Variants in FOXP1 observed in about 807,000 individuals in gnomAD.
The protein encoded by FOXP1 is forkhead box protein P1.
Under a neutral mutation model 98.2 loss-of-function variants are expected in FOXP1, and 15 were observed. The observed-to-expected ratio is 0.15, with a 90% CI of 0.10 to 0.24. FOXP1 has a LOEUF of 0.24. Among genes scored for constraint, FOXP1 ranks in the 10% least tolerant of loss-of-function variants. The pLI is 1.00. For missense variants in FOXP1, 633 were observed against 848.5 expected, an observed-to-expected ratio of 0.75 and a Z score of 3.15; for synonymous variants, 371 against 314.5, an observed-to-expected ratio of 1.18 and a Z score of -1.90.
chr3:71,137,877 C>T (rs1395622731), intron 6 of FOXP1, among the ~76,000 whole-genome samples: 1 of 151,822 alleles, frequency 6.6e-6, no homozygotes, highest in Admixed American at 6.6e-5. Flanking sequence ...TGCCTTCTCC[C>T]CTTCCCTCCT....
At chr3:71,367,386 A>G (rs1392646930) in intron 3 of FOXP1, among the ~76,000 whole-genome samples, 3 of 152,316 alleles carry the variant, frequency 2.0e-5, no homozygotes, top group Non-Finnish European at 4.4e-5. Context: ...GCTTCCCAGT[A>G]GTGTCAGAAC....
intron 5 of FOXP1, among the ~76,000 whole-genome samples, chr3:71,257,061 G>T (rs956820406): frequency 6.6e-6 from 1 of 152,158 alleles, no homozygotes. Context: ...CAGTATGATG[G>T]GAAGGCCCAT....
intron 11 of FOXP1, among the ~76,000 whole-genome samples, chr3:71,026,776 A>C (rs774206762): frequency 3.3e-5 from 5 of 152,200 alleles, no homozygotes; most frequent in African/African-American, 1.2e-4. Flanking sequence ...CCCAGATGCC[A>C]GGAGTATTTA....
At chr3:71,032,710 C>CTAGT (rs1475654833) in intron 11 of FOXP1, among the ~76,000 whole-genome samples, 1 of 152,162 alleles carries the variant, frequency 6.6e-6, no homozygotes, top group African/African-American at 2.4e-5. Flanking sequence ...AACAGAATAA[C>CTAGT]TGCACAAAAA....
chr3:71,470,903 A>G (rs558300654), intron 3 of FOXP1, among the ~76,000 whole-genome samples: 1 of 152,312 alleles, frequency 6.6e-6, no homozygotes, highest in Non-Finnish European at 1.5e-5. Context: ...ACTTGCACCC[A>G]CGTGACCATG....
chr3:71,093,570 A>C (rs2056132591), intron 7 of FOXP1, among the ~76,000 whole-genome samples: 1 of 149,336 alleles, frequency 6.7e-6, no homozygotes, highest in South Asian at 2.2e-4. Flanking sequence ...ATCATATTAT[A>C]ATTCTCTGTT....
intron 6 of FOXP1, among the ~76,000 whole-genome samples, chr3:71,177,930 C>T (rs2062042602): frequency 6.8e-6 from 1 of 147,988 alleles, no homozygotes; most frequent in Non-Finnish European, 1.5e-5. Context: ...CAGCCTTGAC[C>T]TCCCAGGCTC....
At chr3:71,258,570 A>G (rs928690052) in intron 5 of FOXP1, among the ~76,000 whole-genome samples, 2 of 152,152 alleles carry the variant, frequency 1.3e-5, no homozygotes, top group Admixed American at 1.3e-4. Context: ...GGGGATGAAG[A>G]GCTTTGAAGG....
intron 2 of FOXP1, among the ~76,000 whole-genome samples, chr3:71,544,696 T>C (rs865826554): frequency 1.3e-4 from 20 of 152,080 alleles, no homozygotes; most frequent in Non-Finnish European, 2.2e-4. Context: ...AAGCAGAATA[T>C]GATCACAAAG....
intron 20 of FOXP1, among the ~76,000 whole-genome samples, chr3:70,964,152 A>G (rs2034224102): frequency 6.6e-6 from 1 of 152,222 alleles, no homozygotes; most frequent in Non-Finnish European, 1.5e-5. Context: ...CATTTAGCAA[A>G]CAGCACAAAC....
intron 3 of FOXP1, among the ~76,000 whole-genome samples, chr3:71,371,821 C>T (rs571271199): frequency 7.9e-5 from 12 of 152,112 alleles, no homozygotes; most frequent in Admixed American, 7.2e-4. Flanking sequence ...CTGCTGACCC[C>T]CTAACCTCTC....
At chr3:71,135,327 G>T (rs945315331) in intron 6 of FOXP1, among the ~76,000 whole-genome samples, 1 of 151,962 alleles carries the variant, frequency 6.6e-6, no homozygotes, top group Non-Finnish European at 1.5e-5. Flanking sequence ...GAAAAAGGAG[G>T]GGGGACCAAA....
At chr3:71,475,906 A>G (rs1217317498) in intron 3 of FOXP1, among the ~76,000 whole-genome samples, 1 of 130,716 alleles carries the variant, frequency 7.7e-6, no homozygotes, top group Non-Finnish European at 1.8e-5. Flanking sequence ...TTCAAGGGAA[A>G]AAAAAAAAAA....
chr3:71,409,591 A>G (rs941670529), intron 3 of FOXP1, among the ~76,000 whole-genome samples: 8 of 64,332 alleles, frequency 1.2e-4, no homozygotes, highest in East Asian at 6.1e-4. Context: ...TTTACTTTGG[A>G]AAAAAAAAAA....
At chr3:71,583,751 A>C (rs1275529397), upstream of FOXP1, 1 of 985,468 alleles carries the variant, frequency 1.0e-6, no homozygotes, top group Admixed American at 6.2e-5. Context: ...CCACACAATA[A>C]ATAACAATAG....
At chr3:71,154,854 A>G (rs1560032816) in intron 6 of FOXP1, among the ~76,000 whole-genome samples, 1 of 152,230 alleles carries the variant, frequency 6.6e-6, no homozygotes, top group Non-Finnish European at 1.5e-5. Context: ...AGACAACATA[A>G]CAGGAGCCAA....
intron 3 of FOXP1, among the ~76,000 whole-genome samples, chr3:71,377,556 C>T (rs73117198): frequency 2.6e-4 from 40 of 152,250 alleles, no homozygotes; most frequent in African/African-American, 8.2e-4. Context: ...AATAACCCCC[C>T]CAAGGTCACC....
intron 5 of FOXP1, among the ~76,000 whole-genome samples, chr3:71,237,034 C>A (rs1192578077): frequency 6.6e-6 from 1 of 150,882 alleles, no homozygotes; most frequent in Non-Finnish European, 1.5e-5. Context: ...GAGTTTGAGA[C>A]CAGCCTGACC....
At chr3:71,281,432 G>C (rs1288821) in intron 5 of FOXP1, among the ~76,000 whole-genome samples, 1 of 151,874 alleles carries the variant, frequency 6.6e-6, no homozygotes, top group Non-Finnish European at 1.5e-5. Context: ...TCTGAGTGGT[G>C]AGAAAGCACC....
Sources: gnomAD v4.1 joint callset for allele counts (sites outside exome capture counted in the v4.1 genomes callset) on GRCh38, gnomAD v4.1.1 for gene constraint, MANE v1.5 for transcripts, NCBI Gene and HGNC (gene_info 2026-07-23, HGNC 2026-07-21) for gene names.